The following COMMD10 variants were observed in gnomAD, a reference collection of about 807,000 sequenced individuals.
The protein encoded by COMMD10 is COMM domain-containing protein 10.
COMMD10 carries 33 observed loss-of-function variants against 28.9 expected under a neutral mutation model. The observed-to-expected ratio is 1.14, with a 90% CI of 0.87 to 1.53. The LOEUF is 1.53. Ranked by LOEUF, COMMD10 falls within the 40% of genes most tolerant of loss-of-function variation. The pLI is 0.00. For missense variants in COMMD10, 310 were observed against 233.4 expected (o/e 1.33, Z -2.14); for synonymous variants, 110 against 81.7 (o/e 1.35, Z -1.87).
chr5:116,087,634 A>T (rs1447216412), intron 2 of COMMD10, 47 bp downstream of exon 2: 1 of 1,285,582 alleles, frequency 7.8e-7, no homozygotes, highest in Non-Finnish European at 1.1e-6. Context: ...CTTCTGATTT[A>T]ATTGAAAGTC....
At chr5:116,145,654 T>TCACAATCCC (rs1448939906) in intron 5 of COMMD10, among the ~76,000 whole-genome samples, 3 of 151,950 alleles carry the variant, frequency 2.0e-5, no homozygotes, top group Non-Finnish European at 2.9e-5. Context: ...ATTGCAATCC[T>TCACAATCCC]CACAATCCCC....
chr5:116,087,406 G>C (rs1750140652), intron 1 of COMMD10, 91 bp from the exon 2 acceptor site: 2 of 787,836 alleles, frequency 2.5e-6, no homozygotes, highest in South Asian at 3.0e-5. Context: ...AGCATTCAGA[G>C]TTGTTGGAAT....
In COMMD10 at chr5:116,258,632, A is replaced by G. The variant is rs185291342; in HGVS notation, c.511-32885A>G. On this transcript the variant is annotated intron_variant, in intron 5 of 6. Coordinates refer to ENST00000274458, the MANE Select transcript of COMMD10 (RefSeq NM_016144.4). The stretch of plus-strand genomic sequence containing the variant: ...CTTAGATCTTTGAAAATACTATTCT[A>G]TTGACTTTTCTGATATTGCTAAAAA... 4.0e-3 allele frequency among the ~76,000 whole-genome samples: 615 copies of G among 151,854 alleles called. 7 individuals carry two copies. Among genetic ancestry groups the G allele is most frequent in the African/African-American group, 6.7e-3 (275 of 41,254 alleles).
chr5:116,148,383 A>G (rs541164489), intron 5 of COMMD10, among the ~76,000 whole-genome samples: 1 of 151,758 alleles, frequency 6.6e-6, no homozygotes, highest in South Asian at 2.1e-4. Flanking sequence ...CTTCTTTATG[A>G]TAGAGTAGAT....
chr5:116,169,455 A>G (rs907443550), intron 5 of COMMD10, among the ~76,000 whole-genome samples: 8 of 152,204 alleles, frequency 5.3e-5, no homozygotes, highest in Admixed American at 1.3e-4. Context: ...ATTCTGAACA[A>G]TAGAAAAAGA....
rs562667158 is a variant in COMMD10, at chr5:116,293,086, T to C, written c.*597T>C. The C allele has an allele frequency of 7.6e-6, 3 of 397,024 alleles. No individual in the cohort carries two copies. The highest frequency in any genetic ancestry group is 4.4e-5 in the Admixed American group (1 of 22,690). The allele number at this position is 397,024 out of a possible 1,614,324, so 24.6% of individuals were successfully genotyped here. A position where few individuals can be genotyped will look rare whatever the true frequency, so the allele number is the denominator to read the frequency against. On this transcript the variant is annotated 3_prime_UTR_variant, in exon 7 of 7. Coordinates refer to ENST00000274458, the MANE Select transcript of COMMD10 (RefSeq NM_016144.4). The stretch of plus-strand genomic sequence containing the variant: ...TTTCTCTCTCAGTTTAATGATTTAA[T>C]AATAGTCCAGGTTTTTGTGTGTTTT...
intron 5 of COMMD10, among the ~76,000 whole-genome samples, chr5:116,184,752 A>G (rs983394515): frequency 6.6e-6 from 1 of 152,130 alleles, no homozygotes; most frequent in African/African-American, 2.4e-5. Flanking sequence ...TTTTAATGGT[A>G]TGTATGAGAA....
chr5:116,092,623 G>C lies in COMMD10; in HGVS notation c.322G>C (p.Ala108Pro). The C allele has an allele frequency of 6.2e-7, 1 of 1,611,558 alleles. No individual in the cohort carries two copies. The highest frequency in any genetic ancestry group is 2.2e-5 in the East Asian group (1 of 44,828). ...TCATCTTAGACAAGACAAAGCTGAA[G>C]CATTTGTCAATACGTGGTCTTCTAT... is the stretch of plus-strand genomic sequence containing the variant. ...NIHLRQDKAE[A>P]FVNTWSSMGQ... Residue 108 changes from alanine (A) to proline (P), a missense_variant, in exon 4 of 7, where the codon GCA (alanine) becomes CCA (proline). Ala to Pro is a conservative substitution (Grantham distance 27). Coordinates refer to ENST00000274458, the MANE Select transcript of COMMD10 (RefSeq NM_016144.4).
chr5:116,244,742 A>G (rs187302600), intron 5 of COMMD10, among the ~76,000 whole-genome samples: 3 of 151,924 alleles, frequency 2.0e-5, no homozygotes, highest in East Asian at 3.9e-4. Context: ...TAGGTAGACA[A>G]TGAAATTAAG....
chr5:116,280,425 A>T (rs1222774594), intron 5 of COMMD10, among the ~76,000 whole-genome samples: 1 of 151,786 alleles, frequency 6.6e-6, no homozygotes, highest in African/African-American at 2.4e-5. Context: ...GTTTGGAGAG[A>T]TGGGAAGAGA....
intron 5 of COMMD10, among the ~76,000 whole-genome samples, chr5:116,160,440 AGAC>A (rs2112566082): frequency 6.6e-6 from 1 of 152,332 alleles, no homozygotes; most frequent in South Asian, 2.1e-4. Flanking sequence ...AATGTGAAGA[AGAC>A]AAGATGCTCT....
intron 4 of COMMD10, among the ~76,000 whole-genome samples, chr5:116,120,072 A>G (rs1751376616): frequency 1.3e-5 from 2 of 152,154 alleles, no homozygotes; most frequent in South Asian, 4.1e-4. Context: ...TAGCGGCACA[A>G]TTTGCAATTG....
chr5:116,291,947 A>G (rs2112719178), intron 6 of COMMD10, among the ~76,000 whole-genome samples: 1 of 152,122 alleles, frequency 6.6e-6, no homozygotes, highest in Non-Finnish European at 1.5e-5. Context: ...CTGTGAGTAT[A>G]TTTCATGTCT....
intron 5 of COMMD10, among the ~76,000 whole-genome samples, chr5:116,135,522 G>T (rs2112774732): frequency 6.6e-6 from 1 of 152,224 alleles, no homozygotes; most frequent in South Asian, 2.1e-4. Flanking sequence ...GAGTATGTCT[G>T]GTGGTTTCCC....
At chr5:116,252,615 T>A (rs1181112739) in intron 5 of COMMD10, among the ~76,000 whole-genome samples, 1 of 119,186 alleles carries the variant, frequency 8.4e-6, no homozygotes, top group African/African-American at 3.4e-5. Flanking sequence ...GTTGTAGCTA[T>A]GTGGCATTAT....
chr5:116,174,394 CTT>C (rs777452035), intron 5 of COMMD10, among the ~76,000 whole-genome samples: 1 of 152,036 alleles, frequency 6.6e-6, no homozygotes, highest in Non-Finnish European at 1.5e-5. Flanking sequence ...TTGGTAAAGA[CTT>C]TGAATTTTCC....
chr5:116,141,086 C>A (rs138573017), intron 5 of COMMD10, among the ~76,000 whole-genome samples: 5 of 151,748 alleles, frequency 3.3e-5, no homozygotes, highest in African/African-American at 1.2e-4. Flanking sequence ...GGTCTTTTAT[C>A]TCTTTTGAGT....
rs372532114 is a variant in COMMD10 at position 116,184,820 on chromosome 5, T to C, written c.510+50642T>C. 1.2e-4 allele frequency among the ~76,000 whole-genome samples: 18 copies of C among 152,220 alleles called. 1 individual carries two copies. The highest frequency in any genetic ancestry group is 4.3e-4 in the African/African-American group (18 of 41,564). On this transcript the variant is annotated intron_variant, in intron 5 of 6. Transcript: ENST00000274458. ...ATATATAAATGGTAGTAGAGGAACA[T>C]TGTTAAATTCATGAATCTTGGAGGC...
intron 5 of COMMD10, among the ~76,000 whole-genome samples, chr5:116,224,916 T>A (rs1749353082): frequency 6.6e-6 from 1 of 152,236 alleles, no homozygotes; most frequent in Non-Finnish European, 1.5e-5. Context: ...AACATTACAA[T>A]ATTGTTTAAA....
Sources: allele counts gnomAD v4.1 joint callset (sites outside exome capture counted in the v4.1 genomes callset), GRCh38; gene constraint gnomAD v4.1.1; transcripts MANE v1.5; gene names NCBI Gene and HGNC (gene_info 2026-07-23, HGNC 2026-07-21).